OBI1: variants seen among roughly 807,000 people sequenced by gnomAD.
The protein encoded by OBI1 is ORC ubiquitin ligase 1, also known as ring finger protein 219.
In OBI1, 59 loss-of-function variants were observed where a neutral mutation model predicts 62.4. That is an observed-to-expected ratio of 0.95 (90% CI 0.77 to 1.17). OBI1 has a LOEUF of 1.17. OBI1 is among the 50% of genes most tolerant of loss of function. The pLI is 0.00. For missense variants in OBI1, 875 were observed against 830.9 expected (o/e 1.05, Z -0.65); for synonymous variants, 302 against 292.8 (o/e 1.03, Z -0.32).
intron 1 of OBI1, among the ~76,000 whole-genome samples, chr13:78,650,380 T>C (rs1876512201): frequency 6.6e-6 from 1 of 152,230 alleles, no homozygotes; most frequent in African/African-American, 2.4e-5. Context: ...ATAGTCAAGA[T>C]ACTAAAGGTG....
intron 2 of OBI1, 63 bp from the exon 3 acceptor site, chr13:78,642,276 C>T: frequency 1.9e-6 from 2 of 1,073,832 alleles, no homozygotes; most frequent in South Asian, 1.3e-5. Context: ...GAAAATGATC[C>T]TTTTTCATAT....
rs1875205669 is a variant in OBI1 at position 78,615,010 on chromosome 13, G to GGCT, written c.*567_*569dup. 6.6e-6 allele frequency: 1 copy of GGCT among 152,078 alleles called. No homozygotes were observed. Among genetic ancestry groups the GGCT allele is most frequent in the Non-Finnish European group, 1.5e-5 (1 of 68,024 alleles). 9.4% of individuals were successfully genotyped at this position (152,078 alleles called of 1,614,324 possible). A position where few individuals can be genotyped will look rare whatever the true frequency, so the allele number is the denominator to read the frequency against. ...AGAAAGTAAATCAATATTGGACTAA[G>GGCT]GCTAGAGTGCTATTTCTCCATCATG... On this transcript the variant is annotated 3_prime_UTR_variant, in exon 6 of 6. Transcript: ENST00000282003.
chr13:78,631,630 A>C (rs1875854058), intron 5 of OBI1, among the ~76,000 whole-genome samples: 1 of 152,140 alleles, frequency 6.6e-6, no homozygotes. Flanking sequence ...TCAGAAGCAT[A>C]ATAAGGATTC....
intron 4 of OBI1, among the ~76,000 whole-genome samples, chr13:78,636,729 A>C (rs1876041524): frequency 6.6e-6 from 1 of 152,224 alleles, no homozygotes; most frequent in Non-Finnish European, 1.5e-5. Context: ...CTGAAGATAT[A>C]AGGAAAGCCA....
chr13:78,633,078 A>C (rs1248391455), intron 5 of OBI1, among the ~76,000 whole-genome samples: 1 of 152,206 alleles, frequency 6.6e-6, no homozygotes, highest in African/African-American at 2.4e-5. Flanking sequence ...TCAAGAAATA[A>C]GAGCTACAAA....
chr13:78,642,314 T>C, intron 2 of OBI1, 101 bp from the exon 3 acceptor site: 1 of 736,142 alleles, frequency 1.4e-6, no homozygotes, highest in South Asian at 1.7e-5. Context: ...CAGCTTCACA[T>C]CTACCCTTCC....
chr13:78,642,224 A>AG lies in OBI1; in HGVS notation c.209-12_209-11insC. The AG allele has an allele frequency of 6.7e-7, 1 of 1,482,784 alleles. No homozygotes were observed. The highest frequency in any genetic ancestry group is 9.3e-7 in the Non-Finnish European group (1 of 1,076,106). The allele number at this position is 1,482,784 out of a possible 1,614,324, so 91.9% of individuals were successfully genotyped here. On this transcript the variant is annotated splice_polypyrimidine_tract_variant and intron_variant, in intron 2 of 5. Coordinates refer to ENST00000282003, the MANE Select transcript of OBI1 (RefSeq NM_024546.4). ...TTTCACTTGTTCCTCCTGTAGGGAA[A>AG]AAAAAAAAAATCCTAATTTTTCATT...
intron 5 of OBI1, among the ~76,000 whole-genome samples, chr13:78,625,363 A>G (rs1046611779): frequency 1.3e-5 from 2 of 152,208 alleles, no homozygotes; most frequent in African/African-American, 4.8e-5. Flanking sequence ...ACCTTAACTA[A>G]ATGATCTCTT....
Position 78,616,562 on chromosome 13 carries a change from AG to A in OBI1, c.1198del (p.Leu400SerfsTer48). 1 of 1,614,156 alleles carries A rather than the reference AG, an allele frequency of 6.2e-7. No homozygotes were observed. The highest frequency in any genetic ancestry group is 8.5e-7 in the Non-Finnish European group (1 of 1,180,032). ...CTPLSLSCLQ[L>X]STPENRESSV... ...GCTCTCTCTATTTTCTGGAGTACTG[AG>A]CTGAAGGCAACTAAGGGACAAAGGA... On this transcript the variant is annotated frameshift_variant, in exon 6 of 6. Transcript: ENST00000282003. LOFTEE classifies it high-confidence loss of function.
chr13:78,640,233 A>T (rs1181696486), intron 3 of OBI1, among the ~76,000 whole-genome samples: 1 of 151,728 alleles, frequency 6.6e-6, no homozygotes. Flanking sequence ...TCATCCCCAC[A>T]TCTACAGGGG....
intron 3 of OBI1, among the ~76,000 whole-genome samples, chr13:78,641,231 G>T (rs1223969366): frequency 1.3e-5 from 2 of 152,140 alleles, no homozygotes; most frequent in Non-Finnish European, 2.9e-5. Context: ...AGCATTAAAT[G>T]TCACACAGAT....
chr13:78,652,523 G>C (rs1002545255), intron 1 of OBI1, among the ~76,000 whole-genome samples: 1 of 152,162 alleles, frequency 6.6e-6, no homozygotes, highest in South Asian at 2.1e-4. Flanking sequence ...AATGGCAATG[G>C]TAAGTGACAT....
At chr13:78,652,122 T>C (rs1327613984) in intron 1 of OBI1, among the ~76,000 whole-genome samples, 4 of 152,182 alleles carry the variant, frequency 2.6e-5, no homozygotes, top group Non-Finnish European at 5.9e-5. Context: ...ACCTTTGTGT[T>C]GGGAAGATTT....
In OBI1 at chr13:78,638,795, T is replaced by A. The variant is rs765450203; in HGVS notation, c.549+28A>T. 9.5e-6 allele frequency: 15 copies of A among 1,578,948 alleles called. No individual in the cohort carries two copies. The Admixed American group carries it at 1.4e-4, about 15-fold the overall frequency. On this transcript the variant is annotated intron_variant, in intron 4 of 5. Transcript: ENST00000282003. ...AAGGTACTTATTTTAAAAACAACCA[T>A]AATAGATTTTTAAAAACCACAACTT...
chr13:78,620,854 C>G (rs1303450207), intron 5 of OBI1, among the ~76,000 whole-genome samples: 2 of 152,196 alleles, frequency 1.3e-5, no homozygotes, highest in African/African-American at 4.8e-5. Flanking sequence ...AATACCACAC[C>G]TGAGTACCAA....
At chr13:78,657,561 G>A (rs961075929) in intron 1 of OBI1, among the ~76,000 whole-genome samples, 2 of 152,180 alleles carry the variant, frequency 1.3e-5, no homozygotes, top group Non-Finnish European at 2.9e-5. Flanking sequence ...GCACTCTGTA[G>A]TCTGCAAATC....
intron 4 of OBI1, among the ~76,000 whole-genome samples, chr13:78,636,576 G>C (rs1299400348): frequency 6.6e-6 from 1 of 152,182 alleles, no homozygotes; most frequent in South Asian, 2.1e-4. Context: ...CATTATTTGG[G>C]GGCATAAAGT....
At chr13:78,648,279 A>AC (rs1876444763) in intron 1 of OBI1, among the ~76,000 whole-genome samples, 2 of 146,784 alleles carry the variant, frequency 1.4e-5, no homozygotes, top group Non-Finnish European at 3.0e-5. Context: ...ACTTCCCCCA[A>AC]ACACACACAC....
chr13:78,632,201 A>T (rs1426661657), intron 5 of OBI1, among the ~76,000 whole-genome samples: 1 of 152,120 alleles, frequency 6.6e-6, no homozygotes, highest in Non-Finnish European at 1.5e-5. Context: ...AAAAGAGACC[A>T]GATTTCTCTC....
Sources: gnomAD v4.1 joint callset for allele counts (sites outside exome capture counted in the v4.1 genomes callset) on GRCh38, gnomAD v4.1.1 for gene constraint, MANE v1.5 for transcripts, NCBI Gene and HGNC (gene_info 2026-07-23, HGNC 2026-07-21) for gene names.